The following TANK variants were observed in gnomAD, a reference collection of about 807,000 sequenced individuals.
TANK encodes TRAF family member associated NFKB activator.
Under a neutral mutation model 43.6 loss-of-function variants are expected in TANK, and 15 were observed. The ratio of observed to expected loss-of-function variants is 0.34; its 90% CI spans 0.23 to 0.53. The LOEUF (loss-of-function observed/expected upper bound fraction) is 0.53. Among genes scored for constraint, TANK ranks in the 20% least tolerant of loss-of-function variants. The probability of loss-of-function intolerance (pLI) is 0.94; values close to 1 mark genes in which losing one functional copy is unlikely to be tolerated. For synonymous variants in TANK, 162 were observed against 178.2 expected (o/e 0.91, Z 0.73); for missense variants, 417 against 498.6 (o/e 0.84, Z 1.56).
At chr2:161,209,780 A>G (rs1686798661) in intron 4 of TANK, among the ~76,000 whole-genome samples, 1 of 152,202 alleles carries the variant, frequency 6.6e-6, no homozygotes, top group Non-Finnish European at 1.5e-5. Flanking sequence ...TTCTGAATTC[A>G]TGATGTATAC....
At position 161,225,612 on chromosome 2, in the gene TANK, G is replaced by A. The variant is rs184974537; in HGVS notation, c.520+866G>A. Reference sequence around the variant, plus strand: ...CAAACACTTCTGCAAACAAAAGGAAGGTAAACTGATCATTTATAATGATAA... The same window carrying A: ...CAAACACTTCTGCAAACAAAAGGAAAGTAAACTGATCATTTATAATGATAA... On this transcript the variant is annotated intron_variant, in intron 6 of 7. Coordinates refer to ENST00000392749, the MANE Select transcript of TANK (RefSeq NM_001199135.3). Among the ~76,000 whole-genome samples the A allele has an allele frequency of 8.5e-5, 13 of 152,198 alleles. No homozygotes were observed. The East Asian group carries it at 2.5e-3, about 29-fold the overall frequency.
chr2:161,201,469 T>G (rs1686408968), intron 2 of TANK: 1 of 180,114 alleles, frequency 5.6e-6, no homozygotes, highest in Non-Finnish European at 1.1e-5. Flanking sequence ...AGGCATTTAT[T>G]CTGCGCCTGT....
At chr2:161,199,797 AC>A (rs1686322341) in intron 2 of TANK, among the ~76,000 whole-genome samples, 1 of 152,196 alleles carries the variant, frequency 6.6e-6, no homozygotes, top group Non-Finnish European at 1.5e-5. Flanking sequence ...TAATCCCAGC[AC>A]TTTGGGAGGC....
At position 161,179,856 on chromosome 2, in the gene TANK, C is replaced by T. The variant is rs1256488519; in HGVS notation, c.99+95C>T. ...AAAAATGTTATATTGTTAGAAATTG[C>T]CCTGAAGAACTATAATTACAGAAAT... On this transcript the variant is annotated intron_variant, in intron 2 of 7. Transcript: ENST00000392749. 4 of 1,414,480 alleles carry T rather than the reference C, an allele frequency of 2.8e-6. No homozygotes were observed. In the Admixed American group the frequency reaches 1.1e-4, roughly 38 times the overall value. 87.6% of individuals were successfully genotyped at this position (1,414,480 alleles called of 1,614,324 possible). A position where few individuals can be genotyped will look rare whatever the true frequency, so the allele number is the denominator to read the frequency against.
intron 1 of TANK, among the ~76,000 whole-genome samples, chr2:161,170,178 A>G (rs12476789): frequency 0.11 from 17,442 of 152,210 alleles, 1,733 homozygotes; most frequent in African/African-American, 0.26. Context: ...TATTGATAGG[A>G]GGAACATCAA....
chr2:161,151,805 C>T (rs984133664), intron 1 of TANK, among the ~76,000 whole-genome samples: 1 of 152,036 alleles, frequency 6.6e-6, no homozygotes, highest in Admixed American at 6.6e-5. Flanking sequence ...CTTACGGCTG[C>T]CATTTTGCTA....
intron 1 of TANK, among the ~76,000 whole-genome samples, chr2:161,144,869 G>A (rs535959048): frequency 3.2e-4 from 48 of 152,080 alleles, no homozygotes; most frequent in African/African-American, 1.1e-3. Context: ...TTTCTATCTC[G>A]TTGATCTGTC....
intron 1 of TANK, among the ~76,000 whole-genome samples, chr2:161,166,605 G>A (rs1221405190): frequency 6.6e-6 from 1 of 152,144 alleles, no homozygotes; most frequent in Non-Finnish European, 1.5e-5. Flanking sequence ...GAGAAGGCAA[G>A]CATGTAACTA....
chr2:161,204,935 A>G (rs1686581146), intron 4 of TANK, 142 bp downstream of exon 4: 3 of 1,440,100 alleles, frequency 2.1e-6, no homozygotes, highest in Admixed American at 6.7e-5. Context: ...ATTTCTAAAT[A>G]GAAGAACTAT....
intron 1 of TANK, among the ~76,000 whole-genome samples, chr2:161,167,268 A>G (rs932627984): frequency 1.3e-5 from 2 of 152,212 alleles, no homozygotes; most frequent in Admixed American, 6.5e-5. Flanking sequence ...CAATGTATAT[A>G]TACATAACTG....
intron 2 of TANK, among the ~76,000 whole-genome samples, chr2:161,182,196 C>T (rs926100803): frequency 1.3e-5 from 2 of 151,942 alleles, no homozygotes; most frequent in Admixed American, 6.6e-5. Context: ...ACAATTGTGA[C>T]CAAATGTGTG....
At chr2:161,212,736 A>G (rs1686946656) in intron 4 of TANK, 3 of 985,054 alleles carry the variant, frequency 3.0e-6, no homozygotes, top group Non-Finnish European at 3.6e-6. Flanking sequence ...TAGAGTCGAT[A>G]AGAGTCTATC....
intron 1 of TANK, among the ~76,000 whole-genome samples, chr2:161,153,193 A>G (rs77053056): frequency 0.021 from 3,169 of 151,982 alleles, 111 homozygotes; most frequent in African/African-American, 0.071. Context: ...TATAATTTAT[A>G]TCATGTTTTT....
At chr2:161,229,943 G>GT (rs1485410935) in intron 6 of TANK, among the ~76,000 whole-genome samples, 1 of 152,084 alleles carries the variant, frequency 6.6e-6, no homozygotes, top group Non-Finnish European at 1.5e-5. Flanking sequence ...TTTGATGATT[G>GT]TTTTTTTGTA....
At chr2:161,211,141 C>T (rs1165006337) in intron 4 of TANK, among the ~76,000 whole-genome samples, 2 of 152,308 alleles carry the variant, frequency 1.3e-5, no homozygotes, top group Middle Eastern at 3.4e-3. Flanking sequence ...GCGGCATTTA[C>T]GCATGGTCTG....
At chr2:161,211,093 T>C (rs1558998356) in intron 4 of TANK, among the ~76,000 whole-genome samples, 1 of 152,204 alleles carries the variant, frequency 6.6e-6, no homozygotes, top group Non-Finnish European at 1.5e-5. Context: ...GCTTTCTACC[T>C]TTTTCTTAAC....
intron 2 of TANK, chr2:161,200,991 G>A (rs1178242811): frequency 1.2e-5 from 6 of 483,604 alleles, no homozygotes; most frequent in Non-Finnish European, 1.6e-5. Flanking sequence ...GAGATATCAG[G>A]AGGAAATACT....
At chr2:161,163,930 C>T (rs182573743) in intron 1 of TANK, among the ~76,000 whole-genome samples, 1 of 152,292 alleles carries the variant, frequency 6.6e-6, no homozygotes, top group Non-Finnish European at 1.5e-5. Flanking sequence ...ATGATTATTT[C>T]AAATGCTTTT....
chr2:161,214,570 A>G (rs1687036482), intron 4 of TANK, among the ~76,000 whole-genome samples: 1 of 151,200 alleles, frequency 6.6e-6, no homozygotes, highest in Non-Finnish European at 1.5e-5. Flanking sequence ...ACAGTTTGAT[A>G]TGGCCTTAGT....
Sources: gnomAD v4.1 joint callset for allele counts (sites outside exome capture counted in the v4.1 genomes callset) on GRCh38, gnomAD v4.1.1 for gene constraint, MANE v1.5 for transcripts, NCBI Gene and HGNC (gene_info 2026-07-23, HGNC 2026-07-21) for gene names.